Variants in PRL observed in about 807,000 individuals in gnomAD.
The protein encoded by PRL is prolactin, also known as decidual prolactin.
A neutral mutation model predicts 21.3 loss-of-function variants in PRL; 24 were observed. The observed-to-expected ratio is 1.13, with a 90% CI of 0.82 to 1.59. The LOEUF (loss-of-function observed/expected upper bound fraction) is 1.59. Among genes scored for constraint, PRL ranks in the 40% most tolerant of loss-of-function variants. The pLI, the probability that PRL is intolerant of heterozygous loss-of-function variation, is 0.00. For synonymous variants in PRL, 118 were observed against 115.7 expected (o/e 1.02, Z -0.13); for missense variants, 243 against 286.9 (o/e 0.85, Z 1.10).
At position 22,288,450 on chromosome 6, in the gene PRL, G is replaced by A. The variant is rs185918640; in HGVS notation, c.493-857C>T. On this transcript the variant is annotated intron_variant, in intron 4 of 4. Transcript: ENST00000306482. The surrounding 1 kb of genome is among the most constrained non-coding windows in gnomAD (Gnocchi z 4.5). ...CTTGGGAGGCTGAGGCATGAGGATC[G>A]CTTGAACCCAGGAGGCAGAGATTGT... Among the ~76,000 whole-genome samples the A allele has an allele frequency of 2.0e-5, 3 of 152,010 alleles. 1 individual carries two copies. The highest frequency in any genetic ancestry group is 4.2e-4 in the South Asian group (2 of 4,808).
intron 4 of PRL, among the ~76,000 whole-genome samples, chr6:22,289,584 A>G (rs912313109): frequency 6.6e-6 from 1 of 152,146 alleles, no homozygotes; most frequent in Non-Finnish European, 1.5e-5. Flanking sequence ...CATTCCAGAA[A>G]AGGTATATCT....
At chr6:22,300,056 A>G (rs1216243581), upstream of PRL, among the ~76,000 whole-genome samples, 1 of 152,178 alleles carries the variant, frequency 6.6e-6, no homozygotes, top group Non-Finnish European at 1.5e-5. Context: ...AAAATTCTGA[A>G]TAGTCGTCTT....
upstream of PRL, among the ~76,000 whole-genome samples, chr6:22,301,706 A>G (rs1761284856): frequency 6.6e-6 from 1 of 152,090 alleles, no homozygotes; most frequent in African/African-American, 2.4e-5. Context: ...CCTCCAATAC[A>G]TTTTTGTTAG....
upstream of PRL, among the ~76,000 whole-genome samples, chr6:22,301,741 T>G (rs1447049071): frequency 6.6e-6 from 1 of 152,230 alleles, no homozygotes; most frequent in Non-Finnish European, 1.5e-5. Context: ...ATCTTAGCTG[T>G]GACATATCTG....
rs1760962349 is a variant in PRL, at chr6:22,288,118, A to G, written c.493-525T>C. 6.6e-6 allele frequency among the ~76,000 whole-genome samples: 1 copy of G among 152,190 alleles called. No homozygotes were observed. The highest frequency in any genetic ancestry group is 2.4e-5 in the African/African-American group (1 of 41,438). On this transcript the variant is annotated intron_variant, in intron 4 of 4. Coordinates refer to ENST00000306482, the MANE Select transcript of PRL (RefSeq NM_000948.6). The surrounding 1 kb of genome is among the most constrained non-coding windows in gnomAD (Gnocchi z 4.5). ...GCTTTGGGGTACAGATAATTTAGTG[A>G]TGACCATGACTAAGAAAAGCTGCTT...
rs1760982246 is a variant in PRL at position 22,288,881 on chromosome 6, T to C, written c.493-1288A>G. Among the ~76,000 whole-genome samples the C allele has an allele frequency of 6.6e-6, 1 of 152,004 alleles. No individual in the cohort carries two copies. Among genetic ancestry groups the C allele is most frequent in the African/African-American group, 2.4e-5 (1 of 41,450 alleles). The stretch of plus-strand genomic sequence containing the variant: ...TAAAGTGTGTGTGTGTGTATGCGCG[T>C]GCGCGTGTGTGTGCGTGTGTGCGCG... On this transcript the variant is annotated intron_variant, in intron 4 of 4. Coordinates refer to ENST00000306482, the MANE Select transcript of PRL (RefSeq NM_000948.6). The surrounding 1 kb of genome is among the most constrained non-coding windows in gnomAD (Gnocchi z 4.5).
In PRL at chr6:22,287,304, C is replaced by T. The variant is rs923722385; in HGVS notation, c.*98G>A. On this transcript the variant is annotated 3_prime_UTR_variant, in exon 5 of 5. Coordinates refer to ENST00000306482, the MANE Select transcript of PRL (RefSeq NM_000948.6). Reference sequence around the variant, plus strand: ...TTATTTTTTAAGAGGAGACCTGTTACACCCAAGCATGGATTCAAAAGAGAT... The same window carrying T: ...TTATTTTTTAAGAGGAGACCTGTTATACCCAAGCATGGATTCAAAAGAGAT... The T allele has an allele frequency of 2.4e-6, 3 of 1,233,218 alleles. No homozygotes were observed. The highest frequency in any genetic ancestry group is 1.5e-5 in the African/African-American group (1 of 66,202). The allele number at this position is 1,233,218 out of a possible 1,614,324, so 76.4% of individuals were successfully genotyped here.
upstream of PRL, among the ~76,000 whole-genome samples, chr6:22,302,100 G>A (rs1297130232): frequency 6.6e-6 from 1 of 152,044 alleles, no homozygotes; most frequent in Non-Finnish European, 1.5e-5. Flanking sequence ...AAGGAAGTAT[G>A]AACATGTTCA....
chr6:22,288,866 G>A lies in PRL; in HGVS notation c.493-1273C>T, dbSNP rs1472365084. ...TTCCCTATTGGAATTTAAAGTGTGT[G>A]TGTGTGTATGCGCGTGCGCGTGTGT... On this transcript the variant is annotated intron_variant, in intron 4 of 4. Coordinates refer to ENST00000306482, the MANE Select transcript of PRL (RefSeq NM_000948.6). The surrounding 1 kb of genome is among the most constrained non-coding windows in gnomAD (Gnocchi z 4.5). Among the ~76,000 whole-genome samples, 1 of 152,068 alleles carries A rather than the reference G, an allele frequency of 6.6e-6. No individual in the cohort carries two copies. The highest frequency in any genetic ancestry group is 1.9e-4 in the East Asian group (1 of 5,186).
rs781634272 is a variant in PRL, at chr6:22,294,408, C to A, written c.204+1G>T. On this transcript the variant is annotated splice_donor_variant, in intron 2 of 4. Coordinates refer to ENST00000306482, the MANE Select transcript of PRL (RefSeq NM_000948.6). LOFTEE classifies it high-confidence loss of function. ...GAGGAAGCCAGAAGCATGGTACTTACGAATTCGCTGAACATTTCTGAGGAG... is the reference window on the plus strand; with the variant it reads ...GAGGAAGCCAGAAGCATGGTACTTAAGAATTCGCTGAACATTTCTGAGGAG... 1.1e-5 allele frequency: 17 copies of A among 1,614,080 alleles called. No homozygotes were observed. The Admixed American group carries it at 2.5e-4, about 24-fold the overall frequency.
chr6:22,292,683 T>C, intron 2 of PRL, 38 bp from the exon 3 acceptor site: 1 of 1,557,174 alleles, frequency 6.4e-7, no homozygotes, highest in Non-Finnish European at 8.8e-7. Context: ...GTTGGGGTTG[T>C]TTGGGCATTG....
upstream of PRL, among the ~76,000 whole-genome samples, chr6:22,299,598 TG>T (rs1169665562): frequency 6.6e-6 from 1 of 152,206 alleles, no homozygotes; most frequent in Non-Finnish European, 1.5e-5. Context: ...CCCAGCACTT[TG>T]GGAGGCTGAG....
chr6:22,290,324 G>A lies in PRL; in HGVS notation c.342C>T (p.Ser114=). The A allele has an allele frequency of 6.2e-7, 1 of 1,605,348 alleles. No homozygotes were observed. The highest frequency in any genetic ancestry group is 8.5e-7 in the Non-Finnish European group (1 of 1,174,024). ...GAGGCTCATTCCAGGATCGCAATAT[G>A]CTGACTATCAGGCTCAGAAAGTCTT... is the stretch of plus-strand genomic sequence containing the variant. ...NQKDFLSLIV[S]ILRSWNEPLY... is the part of the protein sequence containing the mutation. The change falls in exon 4 of 5, where the codon AGC becomes AGT. Residue 114 remains serine, a synonymous_variant. Transcript: ENST00000306482.
intron 1 of PRL, 122 bp downstream of exon 1, chr6:22,296,833 A>T (rs571155386): frequency 9.4e-7 from 1 of 1,066,034 alleles, no homozygotes; most frequent in Non-Finnish European, 1.4e-6. Context: ...TCTAGAGGAA[A>T]CATAAGATTG....
upstream of PRL, among the ~76,000 whole-genome samples, chr6:22,300,467 T>C (rs901055893): frequency 2.6e-5 from 4 of 152,318 alleles, no homozygotes; most frequent in African/African-American, 9.6e-5. Flanking sequence ...CTATTTCTGT[T>C]TGTCATTTTA....
chr6:22,287,892 C>T (rs555675664), intron 4 of PRL, among the ~76,000 whole-genome samples: 9 of 152,220 alleles, frequency 5.9e-5, no homozygotes, highest in Admixed American at 2.0e-4. Context: ...ATAGATTTGA[C>T]GAAGAGACAA....
chr6:22,302,274 G>A (rs186150668), upstream of PRL, among the ~76,000 whole-genome samples: 25 of 149,912 alleles, frequency 1.7e-4, no homozygotes, highest in East Asian at 4.9e-3. Flanking sequence ...ATACACATAC[G>A]CACACACACT....
chr6:22,302,270 A>G (rs1005000755), upstream of PRL, among the ~76,000 whole-genome samples: 2 of 152,036 alleles, frequency 1.3e-5, no homozygotes, highest in African/African-American at 4.8e-5. Context: ...GAAAATACAC[A>G]TACGCACACA....
chr6:22,294,353 C>G, intron 2 of PRL, 56 bp downstream of exon 2: 1 of 1,598,518 alleles, frequency 6.3e-7, no homozygotes, highest in South Asian at 1.1e-5. Flanking sequence ...TGTAGCAGAG[C>G]CCAGTAGTTC....
Sources: gnomAD v4.1 joint callset for allele counts (sites outside exome capture counted in the v4.1 genomes callset) on GRCh38, gnomAD v4.1.1 for gene constraint, Gnocchi (gnomAD v3.1) non-coding constraint, MANE v1.5 for transcripts, NCBI Gene and HGNC (gene_info 2026-07-23, HGNC 2026-07-21) for gene names.